Variants in DPP10 observed in about 807,000 individuals in gnomAD.
DPP10 encodes the protein dipeptidyl peptidase like 10, also known as inactive dipeptidyl peptidase 10.
Under a neutral mutation model 120.9 loss-of-function variants are expected in DPP10, and 33 were observed. The ratio of observed to expected loss-of-function variants is 0.27; its 90% CI spans 0.21 to 0.37. The LOEUF (loss-of-function observed/expected upper bound fraction) is 0.37, where lower values mean the gene tolerates loss of function less well. Among genes scored for constraint, DPP10 ranks in the 10% least tolerant of loss-of-function variants. The probability of loss-of-function intolerance (pLI) is 1.00; values close to 1 mark genes in which losing one functional copy is unlikely to be tolerated. For synonymous variants in DPP10, 337 were observed against 326.1 expected (o/e 1.03, Z -0.36); for missense variants, 816 against 942.8 (o/e 0.87, Z 1.76).
chr2:115,342,301 T>C (rs2063490465), intron 2 of DPP10: 13 of 295,624 alleles, frequency 4.4e-5, no homozygotes, highest in South Asian at 2.5e-4. Context: ...CCGCCTCCTG[T>C]GTTCAAGCAG....
chr2:115,145,257 A>C (rs947566731), intron 1 of DPP10, among the ~76,000 whole-genome samples: 4 of 152,168 alleles, frequency 2.6e-5, no homozygotes, highest in Non-Finnish European at 5.9e-5. Context: ...TATCAGGCAG[A>C]ATAGTTTCCT....
At chr2:114,840,838 T>C (rs557139459) in intron 1 of DPP10, among the ~76,000 whole-genome samples, 1 of 152,334 alleles carries the variant, frequency 6.6e-6, no homozygotes, top group East Asian at 1.9e-4. Flanking sequence ...CTGAACCTTA[T>C]ATGTGTTTCC....
chr2:114,836,389 A>T (rs185816979), intron 1 of DPP10, among the ~76,000 whole-genome samples: 180 of 152,330 alleles, frequency 1.2e-3, no homozygotes, highest in African/African-American at 4.2e-3. Flanking sequence ...GAGAAATTTT[A>T]AAGCTGGGCT....
At chr2:114,597,743 T>C (rs1357487098) in intron 1 of DPP10, among the ~76,000 whole-genome samples, 1 of 151,928 alleles carries the variant, frequency 6.6e-6, no homozygotes, top group South Asian at 2.1e-4. Context: ...AGATACCAGA[T>C]GGTATCTTTG....
intron 5 of DPP10, among the ~76,000 whole-genome samples, chr2:115,633,277 T>C (rs531353617): frequency 1.3e-5 from 2 of 152,282 alleles, no homozygotes; most frequent in Admixed American, 6.5e-5. Flanking sequence ...TCATGTCCTT[T>C]GTAGGGACAT....
At chr2:115,370,391 A>G (rs371044286) in intron 3 of DPP10, among the ~76,000 whole-genome samples, 50 of 152,202 alleles carry the variant, frequency 3.3e-4, no homozygotes, top group African/African-American at 1.2e-3. Flanking sequence ...TGACAGCTTG[A>G]TCTCGAAAGC....
chr2:115,691,977 C>T (rs2091343257), intron 7 of DPP10, among the ~76,000 whole-genome samples: 1 of 151,984 alleles, frequency 6.6e-6, no homozygotes, highest in Non-Finnish European at 1.5e-5. Flanking sequence ...TAATATATAT[C>T]AACCTTGCTA....
intron 1 of DPP10, among the ~76,000 whole-genome samples, chr2:114,597,482 C>G (rs1038974186): frequency 3.3e-5 from 5 of 151,986 alleles, no homozygotes; most frequent in African/African-American, 1.2e-4. Flanking sequence ...TTGTGTTTTA[C>G]TGGCAATGAC....
chr2:115,305,487 C>T (rs2061324538), intron 1 of DPP10, among the ~76,000 whole-genome samples: 2 of 152,156 alleles, frequency 1.3e-5, no homozygotes, highest in South Asian at 2.1e-4. Context: ...AATCCCAGAG[C>T]TTTGGGAGAC....
At chr2:114,743,864 G>C (rs548832581) in intron 1 of DPP10, among the ~76,000 whole-genome samples, 11 of 152,220 alleles carry the variant, frequency 7.2e-5, no homozygotes, top group African/African-American at 2.6e-4. Flanking sequence ...TCTTGTCTTG[G>C]TGGTGGATGT....
At chr2:114,536,675 G>T (rs1338993218) in intron 1 of DPP10, among the ~76,000 whole-genome samples, 1 of 152,162 alleles carries the variant, frequency 6.6e-6, no homozygotes, top group Non-Finnish European at 1.5e-5. Flanking sequence ...AAAGGGCTGG[G>T]ATTACAGGTG....
At chr2:114,965,295 C>T (rs1368275182) in intron 1 of DPP10, among the ~76,000 whole-genome samples, 1 of 151,970 alleles carries the variant, frequency 6.6e-6, no homozygotes, top group Non-Finnish European at 1.5e-5. Flanking sequence ...TGCCACCATG[C>T]CTGGCTGATT....
At chr2:114,898,361 G>C (rs982384153) in intron 1 of DPP10, among the ~76,000 whole-genome samples, 1 of 151,902 alleles carries the variant, frequency 6.6e-6, no homozygotes, top group Non-Finnish European at 1.5e-5. Flanking sequence ...GGTGGGGGAT[G>C]GGGGGAGGGA....
intron 1 of DPP10, among the ~76,000 whole-genome samples, chr2:114,859,149 A>G (rs1350535459): frequency 6.6e-6 from 1 of 151,840 alleles, no homozygotes; most frequent in Non-Finnish European, 1.5e-5. Context: ...CAAGATAGCG[A>G]AACTCTGTCT....
At chr2:115,684,777 GA>G (rs991969069) in intron 5 of DPP10, among the ~76,000 whole-genome samples, 7 of 151,180 alleles carry the variant, frequency 4.6e-5, no homozygotes, top group African/African-American at 4.9e-5. Flanking sequence ...GATATTCCAA[GA>G]AAAAAAATTG....
intron 3 of DPP10, among the ~76,000 whole-genome samples, chr2:115,372,423 G>A (rs1212210361): frequency 1.3e-5 from 2 of 152,080 alleles, no homozygotes; most frequent in Admixed American, 6.6e-5. Flanking sequence ...GTCTCTGCAG[G>A]TTTCATAGAA....
At chr2:115,379,142 T>G (rs2066069324) in intron 3 of DPP10, among the ~76,000 whole-genome samples, 2 of 152,346 alleles carry the variant, frequency 1.3e-5, no homozygotes, top group South Asian at 4.1e-4. Context: ...AGTTCCTCCT[T>G]GTACCTCTGG....
intron 1 of DPP10, among the ~76,000 whole-genome samples, chr2:114,994,368 A>C (rs11893190): frequency 0.8 from 120,918 of 152,074 alleles, 50,065 homozygotes; most frequent in Non-Finnish European, 0.92. Context: ...TAGATAGATA[A>C]ATTTTATTTA....
chr2:115,751,349 A>G (rs1403354617), intron 10 of DPP10, among the ~76,000 whole-genome samples: 1 of 152,210 alleles, frequency 6.6e-6, no homozygotes, highest in African/African-American at 2.4e-5. Flanking sequence ...TGAACAGGAC[A>G]CTGTTCTTTG....
Sources: gnomAD v4.1 joint callset for allele counts (sites outside exome capture counted in the v4.1 genomes callset) on GRCh38, gnomAD v4.1.1 for gene constraint, MANE v1.5 for transcripts, NCBI Gene and HGNC (gene_info 2026-07-23, HGNC 2026-07-21) for gene names.